The following KAZN variants were observed in gnomAD, a reference collection of about 807,000 sequenced individuals.
KAZN encodes kazrin, periplakin interacting protein, also known as kazrin.
A neutral mutation model predicts 87.4 loss-of-function variants in KAZN; 40 were observed. The observed-to-expected ratio is 0.46, with a 90% CI of 0.36 to 0.60. The LOEUF is 0.60. Ranked by LOEUF, KAZN falls within the 20% of genes least tolerant of loss-of-function variation. The pLI, the probability that KAZN is intolerant of heterozygous loss-of-function variation, is 0.00. For missense variants in KAZN, 898 were observed against 1,073.9 expected, an observed-to-expected ratio of 0.84 and a Z score of 2.29; for synonymous variants, 466 against 458.3, an observed-to-expected ratio of 1.02 and a Z score of -0.22.
chr1:15,027,466 G>A (rs368054782), intron 2 of KAZN, among the ~76,000 whole-genome samples: 2 of 152,230 alleles, frequency 1.3e-5, no homozygotes, highest in South Asian at 2.1e-4. Flanking sequence ...TTCTTGCCTC[G>A]TCTCTGGGCC....
At chr1:14,303,429 A>C (rs1024273614) in intron 2 of KAZN, among the ~76,000 whole-genome samples, 7 of 152,260 alleles carry the variant, frequency 4.6e-5, no homozygotes, top group African/African-American at 1.7e-4. Flanking sequence ...TATTTTTAGA[A>C]GAGACTGGGT....
intron 2 of KAZN, among the ~76,000 whole-genome samples, chr1:14,480,968 A>G (rs1669050916): frequency 6.7e-6 from 1 of 149,740 alleles, no homozygotes; most frequent in Non-Finnish European, 1.5e-5. Context: ...ACTTATATAT[A>G]TTTATATTAC....
At chr1:14,514,843 T>A (rs1360880653) in intron 2 of KAZN, among the ~76,000 whole-genome samples, 1 of 151,846 alleles carries the variant, frequency 6.6e-6, no homozygotes, top group Non-Finnish European at 1.5e-5. Flanking sequence ...ATACAATTGT[T>A]GTTCCATACA....
At chr1:14,977,986 T>A (rs6429697) in intron 2 of KAZN, among the ~76,000 whole-genome samples, 2 of 147,772 alleles carry the variant, frequency 1.4e-5, no homozygotes, top group African/African-American at 5.0e-5. Context: ...TCCATCTCCC[T>A]GGTTCAAGCG....
intron 1 of KAZN, among the ~76,000 whole-genome samples, chr1:14,891,468 G>C (rs1330961195): frequency 2.0e-5 from 3 of 152,112 alleles, no homozygotes; most frequent in Non-Finnish European, 4.4e-5. Context: ...TCCCATCCAG[G>C]TTGCTGCGAA....
At chr1:15,045,578 C>T (rs1237916170) in intron 4 of KAZN, among the ~76,000 whole-genome samples, 1 of 152,192 alleles carries the variant, frequency 6.6e-6, no homozygotes, top group Non-Finnish European at 1.5e-5. Flanking sequence ...TGTGTGTTCA[C>T]TGTGTCGTGT....
intron 2 of KAZN, among the ~76,000 whole-genome samples, chr1:14,287,523 T>C (rs1254598284): frequency 6.6e-6 from 1 of 152,232 alleles, no homozygotes; most frequent in African/African-American, 2.4e-5. Context: ...TTTTTGCACA[T>C]TGATTTTGTA....
chr1:14,534,868 A>G (rs548912179), intron 2 of KAZN, among the ~76,000 whole-genome samples: 2 of 151,974 alleles, frequency 1.3e-5, no homozygotes, highest in Non-Finnish European at 2.9e-5. Flanking sequence ...GCTGTGTTCT[A>G]CCTTCTCCTC....
intron 2 of KAZN, among the ~76,000 whole-genome samples, chr1:14,496,382 T>C (rs1669942835): frequency 6.6e-6 from 1 of 152,124 alleles, no homozygotes; most frequent in Non-Finnish European, 1.5e-5. Context: ...TTATGTGTTG[T>C]TGGGGGTGCT....
At chr1:13,996,223 AC>A (rs1282422061) in intron 1 of KAZN, among the ~76,000 whole-genome samples, 1 of 152,008 alleles carries the variant, frequency 6.6e-6, no homozygotes, top group African/African-American at 2.4e-5. Context: ...GGAAGATCCC[AC>A]TCACAAACGT....
intron 1 of KAZN, among the ~76,000 whole-genome samples, chr1:14,657,597 A>T (rs1638891751): frequency 6.6e-6 from 1 of 152,204 alleles, no homozygotes; most frequent in Admixed American, 6.5e-5. Context: ...TTTAGGAGGC[A>T]TCTCCCTATC....
At chr1:14,854,699 A>AC (rs1649866456) in intron 1 of KAZN, among the ~76,000 whole-genome samples, 1 of 151,952 alleles carries the variant, frequency 6.6e-6, no homozygotes, top group Non-Finnish European at 1.5e-5. Flanking sequence ...CACCTCCATG[A>AC]CCCAAACATC....
chr1:14,026,696 TCTGCA>T (rs1170941551), intron 1 of KAZN, among the ~76,000 whole-genome samples: 1 of 152,152 alleles, frequency 6.6e-6, no homozygotes, highest in Non-Finnish European at 1.5e-5. Flanking sequence ...ATTCAATAGA[TCTGCA>T]CTGAGGTCTG....
chr1:14,883,399 GAA>G (rs1491267077), intron 1 of KAZN, among the ~76,000 whole-genome samples: 3 of 138,832 alleles, frequency 2.2e-5, no homozygotes, highest in African/African-American at 6.0e-5. Flanking sequence ...AAGAAAGAAA[GAA>G]AGAAAGAAAG....
At chr1:14,403,088 A>G (rs1009617781) in intron 2 of KAZN, among the ~76,000 whole-genome samples, 3 of 152,210 alleles carry the variant, frequency 2.0e-5, no homozygotes, top group African/African-American at 7.2e-5. Context: ...GGCCTCCCAA[A>G]GTGCTCGGAT....
At chr1:14,014,150 A>G (rs1302184018) in intron 1 of KAZN, among the ~76,000 whole-genome samples, 1 of 151,922 alleles carries the variant, frequency 6.6e-6, no homozygotes, top group Non-Finnish European at 1.5e-5. Flanking sequence ...TCGCTATACC[A>G]CAATATATCA....
chr1:15,047,804 G>A (rs930955068), intron 4 of KAZN, among the ~76,000 whole-genome samples: 1 of 152,130 alleles, frequency 6.6e-6, no homozygotes, highest in African/African-American at 2.4e-5. Flanking sequence ...TGCGGAGGTG[G>A]GGAGCCAGGC....
intron 1 of KAZN, among the ~76,000 whole-genome samples, chr1:14,045,261 G>A (rs1285063613): frequency 6.6e-6 from 1 of 152,174 alleles, no homozygotes; most frequent in Non-Finnish European, 1.5e-5. Context: ...ACACAGGCAT[G>A]GAACAGGAAA....
chr1:14,147,594 C>T, intron 1 of KAZN, among the ~76,000 whole-genome samples: 1 of 151,924 alleles, frequency 6.6e-6, no homozygotes, highest in Non-Finnish European at 1.5e-5. Flanking sequence ...GAGATCAAGA[C>T]CATCCTGGCC....
Sources: gnomAD v4.1 joint callset for allele counts (sites outside exome capture counted in the v4.1 genomes callset) on GRCh38, gnomAD v4.1.1 for gene constraint, MANE v1.5 for transcripts, NCBI Gene and HGNC (gene_info 2026-07-23, HGNC 2026-07-21) for gene names.